The following SPHKAP variants were observed in gnomAD, a reference collection of about 807,000 sequenced individuals.
SPHKAP encodes the protein A-kinase anchor protein SPHKAP.
SPHKAP carries 67 observed loss-of-function variants against 137.5 expected under a neutral mutation model. The observed-to-expected ratio is 0.49, with a 90% CI of 0.40 to 0.60. The LOEUF is 0.60. Among genes scored for constraint, SPHKAP ranks in the 20% least tolerant of loss-of-function variants. SPHKAP has a pLI of 0.00. For synonymous variants in SPHKAP, 813 were observed against 785.3 expected (o/e 1.04, Z -0.59); for missense variants, 2,097 against 2,069.3 (o/e 1.01, Z -0.26).
At chr2:227,995,457 A>G (rs1165218022) in intron 8 of SPHKAP, 52 bp downstream of exon 8, 1 of 1,603,052 alleles carries the variant, frequency 6.2e-7, no homozygotes, top group Non-Finnish European at 8.5e-7. Context: ...ATGCATTTTT[A>G]GAATCTGTGT....
Position 228,021,904 on chromosome 2 carries a change from G to A in SPHKAP, c.504C>T (p.Thr168=). 6.2e-7 allele frequency: 1 copy of A among 1,614,064 alleles called. No individual in the cohort carries two copies. The highest frequency in any genetic ancestry group is 1.3e-5 in the African/African-American group (1 of 75,052). ...QCARGNRPNS[T]NCIIFEINKF... ...TGTTGATTTCAAAGATGATGCAGTTGGTACTGTTTGGTCTGTTCCCTCTTG... is the reference window on the plus strand; with the variant it reads ...TGTTGATTTCAAAGATGATGCAGTTAGTACTGTTTGGTCTGTTCCCTCTTG... The change falls in exon 6 of 12, where the codon ACC becomes ACT. Residue 168 remains threonine, a synonymous_variant. Transcript: ENST00000392056.
intron 3 of SPHKAP, among the ~76,000 whole-genome samples, chr2:228,078,759 C>T (rs962332632): frequency 1.3e-5 from 2 of 152,158 alleles, no homozygotes; most frequent in African/African-American, 4.8e-5. Context: ...TTACTCACAT[C>T]ACCCAACTCC....
intron 3 of SPHKAP, among the ~76,000 whole-genome samples, chr2:228,107,134 T>C (rs2106345605): frequency 6.6e-6 from 1 of 152,182 alleles, no homozygotes; most frequent in Admixed American, 6.5e-5. Flanking sequence ...GAATACAACA[T>C]ATTGCTACTA....
chr2:228,036,524 C>A (rs944005731), intron 3 of SPHKAP, among the ~76,000 whole-genome samples: 2 of 152,160 alleles, frequency 1.3e-5, no homozygotes, highest in Non-Finnish European at 2.9e-5. Context: ...TCAGCCATCC[C>A]ATTACTGGGT....
At chr2:228,100,085 C>T (rs1157585505) in intron 3 of SPHKAP, among the ~76,000 whole-genome samples, 7 of 152,000 alleles carry the variant, frequency 4.6e-5, no homozygotes, top group Non-Finnish European at 1.0e-4. Flanking sequence ...CTCCTGACCT[C>T]GTGATCCACC....
chr2:228,023,638 A>G lies in SPHKAP; in HGVS notation c.442-1672T>C, dbSNP rs1452490192. Among the ~76,000 whole-genome samples the G allele has an allele frequency of 2.0e-5, 3 of 152,102 alleles. No homozygotes were observed. The East Asian group carries it at 5.8e-4, about 29-fold the overall frequency. Reference sequence around the variant, plus strand: ...ATTTTCCGAGTGCCTATTGCATGCAAATTATGCAAGGAGGTGCATTTTCCG... The same window carrying G: ...ATTTTCCGAGTGCCTATTGCATGCAGATTATGCAAGGAGGTGCATTTTCCG... On this transcript the variant is annotated intron_variant, in intron 5 of 11. Coordinates refer to ENST00000392056, the MANE Select transcript of SPHKAP (RefSeq NM_001142644.2).
chr2:228,179,431 T>C (rs564741887), intron 1 of SPHKAP, among the ~76,000 whole-genome samples: 1 of 152,330 alleles, frequency 6.6e-6, no homozygotes, highest in Admixed American at 6.5e-5. Context: ...CCAATCCCTA[T>C]GGCTTTCAAT....
chr2:228,026,569 C>T lies in SPHKAP; in HGVS notation c.306+915G>A, dbSNP rs113913743. ...GCAGACAATTATTTCAAATCACTCA[C>T]GTAAACTCTTCAAACACACTACTCT... is the stretch of plus-strand genomic sequence containing the variant. On this transcript the variant is annotated intron_variant, in intron 4 of 11. Transcript: ENST00000392056. 1.1e-3 allele frequency among the ~76,000 whole-genome samples: 173 copies of T among 152,274 alleles called. 1 individual carries two copies. Among genetic ancestry groups the T allele is most frequent in the African/African-American group, 3.7e-3 (152 of 41,558 alleles).
chr2:228,045,725 G>A (rs1221047696), intron 3 of SPHKAP, among the ~76,000 whole-genome samples: 3 of 151,422 alleles, frequency 2.0e-5, no homozygotes, highest in Admixed American at 6.6e-5. Context: ...TTGTGCACAC[G>A]TACCCTAAAA....
intron 1 of SPHKAP, among the ~76,000 whole-genome samples, chr2:228,136,239 T>C (rs1009401398): frequency 5.9e-5 from 9 of 152,198 alleles, no homozygotes; most frequent in African/African-American, 1.9e-4. Flanking sequence ...TTTCCTTTGA[T>C]TTTGACAAGT....
intron 3 of SPHKAP, among the ~76,000 whole-genome samples, chr2:228,059,693 T>C (rs1260775561): frequency 3.3e-5 from 5 of 152,182 alleles, no homozygotes; most frequent in Admixed American, 3.3e-4. Context: ...TGCTACTATA[T>C]GGAAGTGATG....
At chr2:228,015,819 TGAAAG>T (rs564928776) in intron 7 of SPHKAP, among the ~76,000 whole-genome samples, 109 of 151,844 alleles carry the variant, frequency 7.2e-4, no homozygotes, top group African/African-American at 2.2e-3. Flanking sequence ...AAGCAAAACT[TGAAAG>T]GAGAGACTCT....
intron 1 of SPHKAP, among the ~76,000 whole-genome samples, chr2:228,158,603 A>AT (rs1700180515): frequency 6.6e-6 from 1 of 152,190 alleles, no homozygotes; most frequent in Non-Finnish European, 1.5e-5. Flanking sequence ...ATTGGGAATG[A>AT]AAAAGGGAGA....
At chr2:228,111,873 C>T (rs550805178) in intron 2 of SPHKAP, among the ~76,000 whole-genome samples, 6 of 152,046 alleles carry the variant, frequency 3.9e-5, no homozygotes, top group African/African-American at 1.4e-4. Context: ...GGTAGGTTTC[C>T]AAAAACTTAT....
chr2:228,121,660 T>A (rs1287311627), intron 2 of SPHKAP, among the ~76,000 whole-genome samples: 1 of 152,200 alleles, frequency 6.6e-6, no homozygotes, highest in Non-Finnish European at 1.5e-5. Flanking sequence ...TCTTGGATGC[T>A]TTCCATCCTG....
At chr2:228,149,810 GT>G (rs1353112135) in intron 1 of SPHKAP, among the ~76,000 whole-genome samples, 1 of 151,746 alleles carries the variant, frequency 6.6e-6, no homozygotes, top group Non-Finnish European at 1.5e-5. Flanking sequence ...TATTTATTCA[GT>G]CTAATAATGC....
At chr2:228,176,461 G>T (rs1363383825) in intron 1 of SPHKAP, among the ~76,000 whole-genome samples, 1 of 152,230 alleles carries the variant, frequency 6.6e-6, no homozygotes, top group African/African-American at 2.4e-5. Context: ...ATCCATAGAA[G>T]ATAAGTATAT....
At chr2:228,115,275 T>C (rs192674904) in intron 2 of SPHKAP, among the ~76,000 whole-genome samples, 1 of 152,222 alleles carries the variant, frequency 6.6e-6, no homozygotes, top group Non-Finnish European at 1.5e-5. Context: ...GAGCTTGGCT[T>C]TTCGCACTCC....
At chr2:228,130,018 A>T (rs1262109178) in intron 2 of SPHKAP, among the ~76,000 whole-genome samples, 1 of 151,542 alleles carries the variant, frequency 6.6e-6, no homozygotes, top group African/African-American at 2.4e-5. Flanking sequence ...CTGGTCTCGA[A>T]CTCCTGACCT....
Sources: gnomAD v4.1 joint callset for allele counts (sites outside exome capture counted in the v4.1 genomes callset) on GRCh38, gnomAD v4.1.1 for gene constraint, MANE v1.5 for transcripts, NCBI Gene and HGNC (gene_info 2026-07-23, HGNC 2026-07-21) for gene names.